Variants in DPP6 observed in about 807,000 individuals in gnomAD.
DPP6 encodes the protein dipeptidyl peptidase like 6, also known as A-type potassium channel modulatory protein DPP6.
In DPP6, 69 loss-of-function variants were observed where a neutral mutation model predicts 122.6. The ratio of observed to expected loss-of-function variants is 0.56; its 90% CI spans 0.46 to 0.69. The LOEUF is 0.69. DPP6 is among the 30% of genes least tolerant of loss of function. DPP6 has a pLI of 0.00. For missense variants in DPP6, 928 were observed against 1,116.9 expected, an observed-to-expected ratio of 0.83 and a Z score of 2.41; for synonymous variants, 418 against 433.1, an observed-to-expected ratio of 0.97 and a Z score of 0.43.
chr7:153,759,577 C>T, the DPP6 span, among the ~76,000 whole-genome samples: 2 of 151,960 alleles, frequency 1.3e-5, no homozygotes, highest in African/African-American at 4.8e-5. Flanking sequence ...AGGTGAACTG[C>T]CTGCCTTGGC....
chr7:153,868,574 C>T, the DPP6 span, among the ~76,000 whole-genome samples: 42 of 152,066 alleles, frequency 2.8e-4, no homozygotes, highest in African/African-American at 8.4e-4. Context: ...AGCAGTCTAT[C>T]AATTTTGTTG....
the DPP6 span, among the ~76,000 whole-genome samples, chr7:153,864,381 G>A: frequency 2.0e-5 from 3 of 152,224 alleles, no homozygotes; most frequent in South Asian, 2.1e-4. Context: ...GGGGCCGGGC[G>A]TGGTGGCTCA....
At chr7:154,300,005 C>T (rs1805798364) in intron 1 of DPP6, among the ~76,000 whole-genome samples, 1 of 152,210 alleles carries the variant, frequency 6.6e-6, no homozygotes, top group Admixed American at 6.5e-5. Flanking sequence ...TTGGCTTTCC[C>T]AAGTGAAAAC....
At chr7:154,459,805 CAAAAAAAAAAAA>C (rs775605275) in intron 2 of DPP6, among the ~76,000 whole-genome samples, 2 of 63,080 alleles carry the variant, frequency 3.2e-5, no homozygotes, top group African/African-American at 1.2e-4. Context: ...GATTCCATCT[CAAAAAAAAAAAA>C]AAAAAAAGAA....
chr7:154,814,028 C>G (rs534029307), intron 16 of DPP6, among the ~76,000 whole-genome samples: 12 of 151,882 alleles, frequency 7.9e-5, no homozygotes, highest in African/African-American at 2.4e-4. Context: ...TTACAAGCGC[C>G]AACCACCACA....
At position 154,893,327 on chromosome 7, in the gene DPP6, A is replaced by C; in HGVS notation, c.*847A>C. On this transcript the variant is annotated 3_prime_UTR_variant, in exon 26 of 26. Coordinates refer to ENST00000377770, the MANE Select transcript of DPP6 (RefSeq NM_130797.4). ...CCATTAAAAGAAATACCTAAATAAA[A>C]CCTCTCTCCCACTCAGCTATGCTAG... The C allele has an allele frequency of 5.4e-6, 1 of 185,338 alleles. No individual in the cohort carries two copies. Among genetic ancestry groups the C allele is most frequent in the Non-Finnish European group, 1.1e-5 (1 of 89,024 alleles). 11.5% of individuals were successfully genotyped at this position (185,338 alleles called of 1,614,324 possible). A position where few individuals can be genotyped will look rare whatever the true frequency, so the allele number is the denominator to read the frequency against.
At chr7:154,144,636 T>C (rs1271930765) in intron 1 of DPP6, among the ~76,000 whole-genome samples, 1 of 151,048 alleles carries the variant, frequency 6.6e-6, no homozygotes, top group East Asian at 2.0e-4. Context: ...ATCATACCTT[T>C]ATGAAGTGAA....
At chr7:154,367,813 TGATTG>T (rs1178347236) in intron 1 of DPP6, among the ~76,000 whole-genome samples, 9 of 152,302 alleles carry the variant, frequency 5.9e-5, no homozygotes, top group African/African-American at 2.2e-4. Context: ...ATTGATTGAT[TGATTG>T]ATTGATTTTT....
chr7:154,475,366 G>T, intron 3 of DPP6: 1 of 364,608 alleles, frequency 2.7e-6, no homozygotes, highest in South Asian at 2.1e-5. Flanking sequence ...TTAGCAACAG[G>T]AACAGTGCAG....
At chr7:154,603,402 C>T (rs1312633732) in intron 5 of DPP6, among the ~76,000 whole-genome samples, 1 of 118,070 alleles carries the variant, frequency 8.5e-6, no homozygotes, top group African/African-American at 2.7e-5. Context: ...TGCGGTGGTT[C>T]ATGCCTGTAA....
intron 21 of DPP6, among the ~76,000 whole-genome samples, chr7:154,881,385 T>C (rs1805376342): frequency 6.6e-6 from 1 of 152,146 alleles, no homozygotes; most frequent in Admixed American, 6.5e-5. Context: ...CCAGAGCCGC[T>C]CCCATCTGGT....
the DPP6 span, among the ~76,000 whole-genome samples, chr7:153,816,858 C>T: frequency 6.6e-6 from 1 of 152,014 alleles, no homozygotes; most frequent in Non-Finnish European, 1.5e-5. Flanking sequence ...TGCAAGGCAA[C>T]TCTTACCAAG....
intron 1 of DPP6, among the ~76,000 whole-genome samples, chr7:154,272,946 C>T (rs1268096325): frequency 6.6e-6 from 1 of 152,174 alleles, no homozygotes; most frequent in Non-Finnish European, 1.5e-5. Flanking sequence ...GACAGCTTTC[C>T]CCAACCCAGA....
chr7:153,868,117 T>C, the DPP6 span, among the ~76,000 whole-genome samples: 20 of 152,178 alleles, frequency 1.3e-4, no homozygotes, highest in South Asian at 4.0e-3. Flanking sequence ...ATTCTCTTTT[T>C]TGGTTGTGTC....
chr7:153,756,108 C>G, the DPP6 span, among the ~76,000 whole-genome samples: 1 of 152,020 alleles, frequency 6.6e-6, no homozygotes, highest in African/African-American at 2.4e-5. Flanking sequence ...GTACCATTCT[C>G]CAGCTTGATT....
At chr7:154,078,341 A>G (rs542411354) in intron 1 of DPP6, among the ~76,000 whole-genome samples, 128 of 106,986 alleles carry the variant, frequency 1.2e-3, no homozygotes, top group Middle Eastern at 8.3e-3. Flanking sequence ...TTCAAACTTC[A>G]GTGCATATGT....
At chr7:154,377,836 T>G (rs147085169) in intron 1 of DPP6, among the ~76,000 whole-genome samples, 2 of 152,276 alleles carry the variant, frequency 1.3e-5, no homozygotes, top group East Asian at 3.9e-4. Flanking sequence ...CTATTCAATA[T>G]AGCTTCTAAA....
At chr7:154,687,249 T>C (rs1839670751) in intron 7 of DPP6, among the ~76,000 whole-genome samples, 1 of 152,216 alleles carries the variant, frequency 6.6e-6, no homozygotes, top group Admixed American at 6.5e-5. Flanking sequence ...TTAGCTGTAA[T>C]TGAGTCTTTT....
chr7:154,730,964 A>T (rs542085044), intron 8 of DPP6, among the ~76,000 whole-genome samples: 1 of 152,240 alleles, frequency 6.6e-6, no homozygotes, highest in South Asian at 2.1e-4. Flanking sequence ...TGATGTGATA[A>T]CAGAGCCCTA....
Sources: allele counts gnomAD v4.1 joint callset (sites outside exome capture counted in the v4.1 genomes callset), GRCh38; gene constraint gnomAD v4.1.1; transcripts MANE v1.5; gene names NCBI Gene and HGNC (gene_info 2026-07-23, HGNC 2026-07-21).